TRANK1: variants seen among roughly 807,000 people sequenced by gnomAD.
The protein encoded by TRANK1 is tetratricopeptide repeat and ankyrin repeat containing 1, also known as TPR and ankyrin repeat-containing protein 1.
A neutral mutation model predicts 266.0 loss-of-function variants in TRANK1; 198 were observed. The ratio of observed to expected loss-of-function variants is 0.74; its 90% CI spans 0.66 to 0.84. TRANK1 has a LOEUF of 0.84. Ranked by LOEUF, TRANK1 falls within the 40% of genes least tolerant of loss-of-function variation. The pLI is 0.00. For missense variants in TRANK1, 3,326 were observed against 3,634.6 expected (o/e 0.92, Z 2.18); for synonymous variants, 1,396 against 1,384.1 (o/e 1.01, Z -0.19).
rs778407275 is a variant in TRANK1 at position 36,842,620 on chromosome 3, A to T, written c.5280+2T>A. On this transcript the variant is annotated splice_donor_variant, in intron 18 of 23. Coordinates refer to ENST00000645898, the MANE Select transcript of TRANK1 (RefSeq NM_001329998.2). LOFTEE classifies it high-confidence loss of function. Reference sequence around the variant, plus strand: ...AGGACCCCTCCTAGTCCAACCCCTTACCTTCCAGCACTGGTGCTTGGCGTA... The same window carrying T: ...AGGACCCCTCCTAGTCCAACCCCTTTCCTTCCAGCACTGGTGCTTGGCGTA... The T allele has an allele frequency of 6.2e-7, 1 of 1,613,578 alleles. No homozygotes were observed. The highest frequency in any genetic ancestry group is 1.3e-5 in the African/African-American group (1 of 74,910).
At chr3:36,873,576 A>G (rs2079340826) in intron 9 of TRANK1, among the ~76,000 whole-genome samples, 1 of 152,190 alleles carries the variant, frequency 6.6e-6, no homozygotes, top group South Asian at 2.1e-4. Flanking sequence ...TTTAGAATCA[A>G]TCTGTAGATG....
chr3:36,865,752 A>G (rs1319009306), intron 9 of TRANK1, among the ~76,000 whole-genome samples: 2 of 152,076 alleles, frequency 1.3e-5, no homozygotes, highest in Non-Finnish European at 2.9e-5. Context: ...ATATAGACAT[A>G]TTCATATATA....
Position 36,895,747 on chromosome 3 carries a change from C to T in TRANK1, c.445G>A (p.Val149Ile), listed in dbSNP as rs1391965249. The T allele has an allele frequency of 1.3e-6, 2 of 1,530,546 alleles. No homozygotes were observed. The highest frequency in any genetic ancestry group is 1.4e-5 in the African/African-American group (1 of 72,816). The allele number at this position is 1,530,546 out of a possible 1,614,324, so 94.8% of individuals were successfully genotyped here. A position where few individuals can be genotyped will look rare whatever the true frequency, so the allele number is the denominator to read the frequency against. ...VFTTMSSDSI[V>I]LQSFLPCFDH... is the part of the protein sequence containing the mutation. ...AAGCAAGGCAAGAAACTTTGCAAAA[C>T]AATGGAGTCACCTAAAAGAAAGTTT... Residue 149 changes from valine (V) to isoleucine (I), a missense_variant, in exon 5 of 24, where the codon GTT (valine) becomes ATT (isoleucine). Physicochemically the swap from Val to Ile is conservative, Grantham distance 29. Coordinates refer to ENST00000645898, the MANE Select transcript of TRANK1 (RefSeq NM_001329998.2).
intron 1 of TRANK1, among the ~76,000 whole-genome samples, chr3:36,939,260 TACACACACACACACACAC>T (rs10623771): frequency 3.6e-5 from 5 of 139,832 alleles, no homozygotes; most frequent in Non-Finnish European, 7.8e-5. Context: ...CATTCTAACA[TACACACACACACACACAC>T]ACACACACAC....
Position 36,857,573 on chromosome 3 carries a change from T to C in TRANK1, c.2149A>G (p.Arg717Gly). The change falls in exon 13 of 24, where the codon AGG becomes GGG. Residue 717 changes from arginine to glycine, a missense_variant. Arg to Gly is a moderately radical substitution (Grantham distance 125, BLOSUM62 -2). Coordinates refer to ENST00000645898, the MANE Select transcript of TRANK1 (RefSeq NM_001329998.2). This position sits in a 1 kb window ranked among gnomAD's most constrained non-coding sequence, Gnocchi z 4.3. Reference sequence around the variant, plus strand: ...GGCCTGAGAGCTCCAGGCTCCTTCCTGGTCACCTGGGTACCTGGGAGAGTC... The same window carrying C: ...GGCCTGAGAGCTCCAGGCTCCTTCCCGGTCACCTGGGTACCTGGGAGAGTC... The part of the protein sequence containing the change: ...WETLPGTQVT[R>G]KEPGALRPCS... 1.2e-6 allele frequency: 2 copies of C among 1,614,054 alleles called. No homozygotes were observed. The highest frequency in any genetic ancestry group is 1.7e-6 in the Non-Finnish European group (2 of 1,179,890).
Position 36,830,975 on chromosome 3 carries a change from C to T in TRANK1, c.8608G>A (p.Gly2870Ser). Residue 2870 changes from glycine (G) to serine (S), a missense_variant, in exon 22 of 24, where the codon GGC (glycine) becomes AGC (serine). Physicochemically the swap from Gly to Ser is moderately conservative, Grantham distance 56. Coordinates refer to ENST00000645898, the MANE Select transcript of TRANK1 (RefSeq NM_001329998.2). The stretch of plus-strand genomic sequence containing the variant: ...AGCATGTGGCTGTGCTCCTTGGAGC[C>T]CACGTGACTGTGGATCCATACACTT... ...EQSVWIHSHV[G>S]SKEHSHMLQK... is the part of the protein sequence containing the mutation. 6.2e-7 allele frequency: 1 copy of T among 1,614,008 alleles called. No homozygotes were observed. Among genetic ancestry groups the T allele is most frequent in the South Asian group, 1.1e-5 (1 of 91,086 alleles).
chr3:36,831,878 T>G lies in TRANK1; in HGVS notation c.7705A>C (p.Met2569Leu), dbSNP rs745747046. The change falls in exon 22 of 24, where the codon ATG becomes CTG. Residue 2569 changes from methionine (M) to leucine (L), a missense_variant. Coordinates refer to ENST00000645898, the MANE Select transcript of TRANK1 (RefSeq NM_001329998.2). The surrounding 1 kb of genome is among the most constrained non-coding windows in gnomAD (Gnocchi z 5.0). ...AERTLVLCLV[M>L]LVNAEEILQP... ...AGGATCTCCTCAGCATTCACTAGCA[T>G]CACCAAGCACAGCACCAGTGTCCGC... is the stretch of plus-strand genomic sequence containing the variant. 1.9e-6 allele frequency: 3 copies of G among 1,613,968 alleles called. No individual in the cohort carries two copies. Among genetic ancestry groups the G allele is most frequent in the Non-Finnish European group, 2.5e-6 (3 of 1,179,890 alleles).
At chr3:36,920,330 C>T (rs571337768) in intron 1 of TRANK1, among the ~76,000 whole-genome samples, 8 of 152,154 alleles carry the variant, frequency 5.3e-5, no homozygotes, top group Non-Finnish European at 1.0e-4. Context: ...GTGGCCACTC[C>T]TTCCTCACTG....
At chr3:36,843,890 TC>T (rs1336632007) in intron 17 of TRANK1, among the ~76,000 whole-genome samples, 1 of 152,148 alleles carries the variant, frequency 6.6e-6, no homozygotes, top group African/African-American at 2.4e-5. Flanking sequence ...TTGTTCTGAC[TC>T]CGTATGTGCT....
intron 17 of TRANK1, among the ~76,000 whole-genome samples, chr3:36,845,341 G>C (rs1167191679): frequency 1.3e-5 from 2 of 152,102 alleles, no homozygotes; most frequent in Non-Finnish European, 2.9e-5. Context: ...TCTGAACTAA[G>C]AGTTCTTACT....
intron 10 of TRANK1, among the ~76,000 whole-genome samples, chr3:36,861,704 C>CTTTT (rs375054559): frequency 3.1e-4 from 38 of 124,132 alleles, no homozygotes; most frequent in East Asian, 1.2e-3. Flanking sequence ...GAGTAGAAAA[C>CTTTT]TTTTTTTTTT....
rs2079707959 is a variant in TRANK1, at chr3:36,892,185, A to G, written c.775+17T>C. The G allele has an allele frequency of 6.5e-7, 1 of 1,535,730 alleles. No individual in the cohort carries two copies. Among genetic ancestry groups the G allele is most frequent in the East Asian group, 2.4e-5 (1 of 40,876 alleles). ...AGAAGGGCAGCTTGGAGGGTGGAAA[A>G]CTGGGAGAAGACTCACTGGCTTGGA... is the stretch of plus-strand genomic sequence containing the variant. On this transcript the variant is annotated intron_variant, in intron 7 of 23. Coordinates refer to ENST00000645898, the MANE Select transcript of TRANK1 (RefSeq NM_001329998.2).
rs941899217 is a variant in TRANK1, at chr3:36,885,529, T to C, written c.907+4300A>G. Among the ~76,000 whole-genome samples the C allele has an allele frequency of 1.6e-4, 25 of 152,242 alleles. 1 individual carries two copies. The East Asian group carries it at 4.6e-3, about 28-fold the overall frequency. On this transcript the variant is annotated intron_variant, in intron 8 of 23. Coordinates refer to ENST00000645898, the MANE Select transcript of TRANK1 (RefSeq NM_001329998.2). ...TTAGTGAAAAAGCTAGCGAAACTCA[T>C]ATGAGGTCTGTATATTATTTTTTAG... is the stretch of plus-strand genomic sequence containing the variant.
chr3:36,842,584 C>T (rs2078861508), intron 18 of TRANK1, 38 bp downstream of exon 18: 1 of 1,573,152 alleles, frequency 6.4e-7, no homozygotes, highest in Admixed American at 1.7e-5. Context: ...CTGACGAGGG[C>T]ACCAGTGACA....
intron 22 of TRANK1, 135 bp from the exon 23 acceptor site, chr3:36,829,797 G>T (rs1308056711): frequency 1.3e-5 from 11 of 864,792 alleles, no homozygotes; most frequent in Non-Finnish European, 2.0e-5. Context: ...TCCTTATCGG[G>T]TAAGGGACCC....
chr3:36,829,689 G>A, intron 22 of TRANK1, 27 bp from the exon 23 acceptor site: 2 of 1,607,980 alleles, frequency 1.2e-6, no homozygotes, highest in Non-Finnish European at 1.7e-6. Context: ...ACATGGCTCT[G>A]AGTAAAGATG....
intron 1 of TRANK1, among the ~76,000 whole-genome samples, chr3:36,922,344 G>A (rs1350841133): frequency 2.0e-5 from 3 of 152,028 alleles, no homozygotes; most frequent in Admixed American, 6.6e-5. Flanking sequence ...AGTGGCTCAC[G>A]CCTGTAATCC....
At chr3:36,830,732 A>G in intron 22 of TRANK1, 141 bp downstream of exon 22, 1 of 966,522 alleles carries the variant, frequency 1.0e-6, no homozygotes, top group Non-Finnish European at 1.5e-6. Flanking sequence ...TTGAGAATAT[A>G]TATTCCTCAT....
At chr3:36,834,991 G>T (rs964556748) in intron 20 of TRANK1, 84 bp from the exon 21 acceptor site, 9 of 1,324,640 alleles carry the variant, frequency 6.8e-6, no homozygotes, top group Non-Finnish European at 1.0e-6. Context: ...GTAATAAAGA[G>T]GATAGTCATA....
Sources: gnomAD v4.1 joint callset for allele counts (sites outside exome capture counted in the v4.1 genomes callset) on GRCh38, gnomAD v4.1.1 for gene constraint, Gnocchi (gnomAD v3.1) non-coding constraint, MANE v1.5 for transcripts, NCBI Gene and HGNC (gene_info 2026-07-23, HGNC 2026-07-21) for gene names.